Variants in THEMIS observed in about 807,000 individuals in gnomAD.
THEMIS encodes the protein protein THEMIS.
Under a neutral mutation model 52.6 loss-of-function variants are expected in THEMIS, and 37 were observed. The ratio of observed to expected loss-of-function variants is 0.70; its 90% confidence interval spans 0.54 to 0.93. The LOEUF (loss-of-function observed/expected upper bound fraction) is 0.93. Ranked by LOEUF, THEMIS falls within the 40% of genes least tolerant of loss-of-function variation. THEMIS has a pLI of 0.00. For missense variants in THEMIS, 808 were observed against 763.1 expected, an observed-to-expected ratio of 1.06 and a Z score of -0.69; for synonymous variants, 292 against 272.7, an observed-to-expected ratio of 1.07 and a Z score of -0.70.
intron 1 of THEMIS, among the ~76,000 whole-genome samples, chr6:127,885,110 T>C (rs897950602): frequency 6.6e-6 from 1 of 151,522 alleles, no homozygotes; most frequent in Non-Finnish European, 1.5e-5. Flanking sequence ...CCATAACACA[T>C]ATTATAAAAA....
chr6:127,814,258 G>T (rs967214144), intron 3 of THEMIS, among the ~76,000 whole-genome samples: 1 of 152,036 alleles, frequency 6.6e-6, no homozygotes. Context: ...ATATTCCTGT[G>T]CTTATATTTA....
intron 4 of THEMIS, among the ~76,000 whole-genome samples, chr6:127,796,806 T>C (rs1777344238): frequency 6.6e-6 from 1 of 152,176 alleles, no homozygotes; most frequent in African/African-American, 2.4e-5. Flanking sequence ...TCATCAGCAA[T>C]TTATTGAGTA....
chr6:127,714,507 G>A (rs1774091683), intron 5 of THEMIS, among the ~76,000 whole-genome samples: 1 of 151,896 alleles, frequency 6.6e-6, no homozygotes, highest in Middle Eastern at 3.4e-3. Flanking sequence ...TTACCCATAG[G>A]CCATGATGGT....
intron 4 of THEMIS, among the ~76,000 whole-genome samples, chr6:127,800,148 A>G (rs746313569): frequency 6.6e-5 from 10 of 152,186 alleles, no homozygotes; most frequent in Non-Finnish European, 1.2e-4. Context: ...TAGGGAATTA[A>G]TTTCACTAGT....
At chr6:127,760,611 T>A (rs560904797) in intron 4 of THEMIS, among the ~76,000 whole-genome samples, 1 of 151,910 alleles carries the variant, frequency 6.6e-6, no homozygotes, top group African/African-American at 2.4e-5. Context: ...ATAGCAATAC[T>A]CTATCTCTAC....
chr6:127,804,810 T>C (rs921366334), intron 4 of THEMIS, among the ~76,000 whole-genome samples: 1 of 152,168 alleles, frequency 6.6e-6, no homozygotes, highest in Non-Finnish European at 1.5e-5. Flanking sequence ...TGCATACTTT[T>C]AAGACATTAA....
intron 3 of THEMIS, among the ~76,000 whole-genome samples, chr6:127,827,559 G>A (rs1778548256): frequency 6.6e-6 from 1 of 152,118 alleles, no homozygotes. Flanking sequence ...TCACAGTTAA[G>A]TCCTACCTAA....
At chr6:127,868,540 C>A (rs1031093142) in intron 1 of THEMIS, 4 of 911,238 alleles carry the variant, frequency 4.4e-6, no homozygotes, top group Non-Finnish European at 5.2e-6. Context: ...TATTGAATTT[C>A]TCATTGCTTA....
chr6:127,701,232 A>G, the THEMIS span, among the ~76,000 whole-genome samples: 71,148 of 151,884 alleles, frequency 0.47, 17,925 homozygotes, highest in Non-Finnish European at 0.58. Context: ...TTTTCTTAAT[A>G]TTTATATAAA....
chr6:127,908,304 G>T (rs543574399), intron 1 of THEMIS, among the ~76,000 whole-genome samples: 1 of 152,170 alleles, frequency 6.6e-6, no homozygotes, highest in East Asian at 1.9e-4. Context: ...ATGCCCACAA[G>T]TTAAGAATCA....
In THEMIS at chr6:127,708,542, G is replaced by A. The variant is rs147421458; in HGVS notation, c.*1443C>T. 1 of 152,164 alleles carries A rather than the reference G, an allele frequency of 6.6e-6. No individual in the cohort carries two copies. Among genetic ancestry groups the A allele is most frequent in the Non-Finnish European group, 1.5e-5 (1 of 67,970 alleles). The allele number at this position is 152,164 out of a possible 1,614,324, so 9.4% of individuals were successfully genotyped here. A position where few individuals can be genotyped will look rare whatever the true frequency, so the allele number is the denominator to read the frequency against. On this transcript the variant is annotated 3_prime_UTR_variant, in exon 6 of 6. Transcript: ENST00000368248. ...TGGTGCAGTTTGTCAAGGCTGTTAGGTTAAGATTCGCTGTGGCCTTCAATA... is the reference window on the plus strand; with the variant it reads ...TGGTGCAGTTTGTCAAGGCTGTTAGATTAAGATTCGCTGTGGCCTTCAATA...
At chr6:127,798,230 A>G (rs1006481984) in intron 4 of THEMIS, among the ~76,000 whole-genome samples, 2 of 152,240 alleles carry the variant, frequency 1.3e-5, no homozygotes, top group African/African-American at 4.8e-5. Flanking sequence ...CCTTACTCTT[A>G]AAACCACAAG....
rs180835961 is a variant in THEMIS, at chr6:127,851,326, T to C, written c.250+3704A>G. ...ACTTCAAGTAGACTAAACTCAAAGA[T>C]TCATGCCTAGACATGTGATGATCAA... On this transcript the variant is annotated intron_variant, in intron 2 of 5. Transcript: ENST00000368248. 5.9e-3 allele frequency among the ~76,000 whole-genome samples: 890 copies of C among 151,778 alleles called. 7 individuals carry two copies. The highest frequency in any genetic ancestry group is 0.024 in the Middle Eastern group (7 of 294).
chr6:127,810,623 A>G (rs541252518), intron 4 of THEMIS, among the ~76,000 whole-genome samples: 1 of 152,286 alleles, frequency 6.6e-6, no homozygotes, highest in South Asian at 2.1e-4. Flanking sequence ...CAGCCTCCAG[A>G]GCTCTAAAAC....
chr6:127,715,279 G>A (rs921535051), intron 5 of THEMIS, among the ~76,000 whole-genome samples: 4 of 151,800 alleles, frequency 2.6e-5, no homozygotes, highest in African/African-American at 9.7e-5. Context: ...TAAATATAAA[G>A]ATGAAAGGAC....
intron 1 of THEMIS, among the ~76,000 whole-genome samples, chr6:127,895,299 G>A (rs1780930516): frequency 6.6e-6 from 1 of 151,320 alleles, no homozygotes; most frequent in Non-Finnish European, 1.5e-5. Flanking sequence ...ATATAATACT[G>A]AAGGCTCTAG....
rs1448509570 is a variant in THEMIS, at chr6:127,813,928, C to T, written c.713G>A (p.Arg238Gln). The T allele has an allele frequency of 1.3e-6, 2 of 1,531,336 alleles. No individual in the cohort carries two copies. Among genetic ancestry groups the T allele is most frequent in the Non-Finnish European group, 1.7e-6 (2 of 1,142,950 alleles). 94.9% of individuals were successfully genotyped at this position (1,531,336 alleles called of 1,614,324 possible). A position where few individuals can be genotyped will look rare whatever the true frequency, so the allele number is the denominator to read the frequency against. Residue 238 changes from arginine to glutamine, a missense_variant, in exon 4 of 6, where the codon CGA (arginine) becomes CAA (glutamine). Transcript: ENST00000368248. Reference sequence around the variant, plus strand: ...GGGGAGGATGCGGATTATATCTTTTCGAACTAAAAAGAAAAAATAAATCAC... The same window carrying T: ...GGGGAGGATGCGGATTATATCTTTTTGAACTAAAAAGAAAAAATAAATCAC... ...VYEIQGVMKFRKDIIRILPSL... is the reference protein window; with the variant it reads ...VYEIQGVMKFQKDIIRILPSL...
chr6:127,820,661 C>G (rs1192646747), intron 3 of THEMIS, among the ~76,000 whole-genome samples: 4 of 152,044 alleles, frequency 2.6e-5, no homozygotes, highest in Non-Finnish European at 4.4e-5. Context: ...GTCTACCTTT[C>G]TTTCTATACT....
chr6:127,732,703 C>A (rs1270910141), intron 4 of THEMIS, among the ~76,000 whole-genome samples: 1 of 152,166 alleles, frequency 6.6e-6, no homozygotes, highest in African/African-American at 2.4e-5. Context: ...AGCATCATTC[C>A]ATTGTATGGA....
Sources: gnomAD v4.1 joint callset for allele counts (sites outside exome capture counted in the v4.1 genomes callset) on GRCh38, gnomAD v4.1.1 for gene constraint, MANE v1.5 for transcripts, NCBI Gene and HGNC (gene_info 2026-07-23, HGNC 2026-07-21) for gene names.